Variants in NMU observed in about 807,000 individuals in gnomAD.
The protein encoded by NMU is neuromedin-U.
A neutral mutation model predicts 35.4 loss-of-function variants in NMU; 29 were observed. The ratio of observed to expected loss-of-function variants is 0.82; its 90% CI spans 0.61 to 1.12. NMU has a LOEUF of 1.12. Among genes scored for constraint, NMU ranks in the 50% most tolerant of loss-of-function variants. NMU has a pLI of 0.00. For missense variants in NMU, 199 were observed against 206.2 expected (o/e 0.97, Z 0.21); for synonymous variants, 78 against 81.3 (o/e 0.96, Z 0.22).
chr4:55,602,868 T>C (rs1229867597), intron 7 of NMU, among the ~76,000 whole-genome samples: 1 of 152,192 alleles, frequency 6.6e-6, no homozygotes, highest in African/African-American at 2.4e-5. Context: ...TAAAAATAAA[T>C]TTTGAGGAAT....
At chr4:55,612,563 A>G (rs574360710) in intron 3 of NMU, among the ~76,000 whole-genome samples, 1 of 152,202 alleles carries the variant, frequency 6.6e-6, no homozygotes, top group East Asian at 1.9e-4. Context: ...AAAACAATAG[A>G]AAGAAAATAC....
At chr4:55,636,325 A>G (rs1715931176), upstream of NMU, 5 of 1,295,118 alleles carry the variant, frequency 3.9e-6, no homozygotes, top group Non-Finnish European at 5.0e-6. The surrounding 1 kb of genome is among the most constrained non-coding windows in gnomAD (Gnocchi z 4.0). Context: ...GCCAACTTTT[A>G]AATCTCGCGC....
chr4:55,614,247 C>A (rs984582168), intron 3 of NMU, among the ~76,000 whole-genome samples: 1 of 152,112 alleles, frequency 6.6e-6, no homozygotes, highest in African/African-American at 2.4e-5. Flanking sequence ...TTCCACATAA[C>A]CATTATCATT....
At chr4:55,631,059 A>T (rs931100884) in intron 1 of NMU, among the ~76,000 whole-genome samples, 18 of 152,200 alleles carry the variant, frequency 1.2e-4, no homozygotes, top group Non-Finnish European at 5.9e-5. Context: ...CAACAAGTAT[A>T]CAAAAACATA....
At position 55,619,438 on chromosome 4, in the gene NMU, A is replaced by C. The variant is rs1046889307; in HGVS notation, c.172-3053T>G. The stretch of plus-strand genomic sequence containing the variant: ...TGGAAAATCGGGTCACTCCCACCCG[A>C]ATATTGCGCTTTTCAGACCGGCTTA... On this transcript the variant is annotated intron_variant, in intron 2 of 9. Coordinates refer to ENST00000264218, the MANE Select transcript of NMU (RefSeq NM_006681.4). Among the ~76,000 whole-genome samples, 13 of 120,594 alleles carry C rather than the reference A, an allele frequency of 1.1e-4. 1 individual carries two copies. The highest frequency in any genetic ancestry group is 4.1e-4 in the African/African-American group (13 of 31,874). The allele number at this position is 120,594 out of a possible 152,430, so 79.1% of individuals were successfully genotyped here.
At chr4:55,626,748 GC>G (rs569472435) in intron 2 of NMU, among the ~76,000 whole-genome samples, 49 of 152,054 alleles carry the variant, frequency 3.2e-4, no homozygotes, top group African/African-American at 1.2e-3. Context: ...ACCAACAAAG[GC>G]CCTTACCTTT....
intron 7 of NMU, among the ~76,000 whole-genome samples, chr4:55,604,679 ATTTT>A (rs767568542): frequency 3.2e-4 from 15 of 47,614 alleles, no homozygotes; most frequent in East Asian, 2.3e-3. Context: ...TGCCTGGCTA[ATTTT>A]TTTTTTTTTT....
chr4:55,601,647 T>G (rs1733430603), intron 7 of NMU, among the ~76,000 whole-genome samples: 2 of 151,942 alleles, frequency 1.3e-5, no homozygotes, highest in African/African-American at 4.8e-5. Flanking sequence ...TTTTCAAAAT[T>G]TAAAAAAATG....
intron 3 of NMU, among the ~76,000 whole-genome samples, chr4:55,613,778 G>A (rs575876940): frequency 6.6e-6 from 1 of 152,204 alleles, no homozygotes; most frequent in East Asian, 1.9e-4. Context: ...CACAGCTGGT[G>A]GAACCCAGCA....
At chr4:55,609,432 C>A (rs548585865) in intron 3 of NMU, among the ~76,000 whole-genome samples, 7 of 151,940 alleles carry the variant, frequency 4.6e-5, no homozygotes, top group Non-Finnish European at 8.8e-5. Context: ...TGAAGGCTTC[C>A]GCTGTGATCT....
intron 3 of NMU, among the ~76,000 whole-genome samples, chr4:55,613,030 A>G (rs1733997105): frequency 6.6e-6 from 1 of 152,202 alleles, no homozygotes; most frequent in Non-Finnish European, 1.5e-5. Flanking sequence ...GGAGGGTATT[A>G]CCCTAAGCGA....
chr4:55,600,769 AT>A (rs1560511793), intron 7 of NMU, among the ~76,000 whole-genome samples, 194 bp from the exon 8 acceptor site: 1 of 152,158 alleles, frequency 6.6e-6, no homozygotes, highest in Non-Finnish European at 1.5e-5. Context: ...TCAGAATCTT[AT>A]ATTTAAAAAT....
At chr4:55,618,897 T>G (rs1212711073) in intron 2 of NMU, among the ~76,000 whole-genome samples, 11 of 150,278 alleles carry the variant, frequency 7.3e-5, no homozygotes, top group South Asian at 6.3e-4. Context: ...TTTTTTTTTT[T>G]GTCTGGCTGT....
At chr4:55,631,908 C>T (rs1316294041) in intron 1 of NMU, among the ~76,000 whole-genome samples, 3 of 152,206 alleles carry the variant, frequency 2.0e-5, no homozygotes, top group Non-Finnish European at 4.4e-5. Flanking sequence ...GATATGGAAA[C>T]AACCTAAGTG....
upstream of NMU, chr4:55,636,418 C>A (rs1231820657): frequency 1.9e-5 from 11 of 568,588 alleles, no homozygotes; most frequent in Non-Finnish European, 3.0e-5. The surrounding 1 kb of genome is among the most constrained non-coding windows in gnomAD (Gnocchi z 4.0). Context: ...CACCCCGCCC[C>A]GCTGCCTGCC....
Position 55,625,247 on chromosome 4 carries a change from A to AT in NMU, c.171+5154dup, listed in dbSNP as rs200450121. On this transcript the variant is annotated intron_variant, in intron 2 of 9. Transcript: ENST00000264218. ...CAGCTGCATCTTAACTTCTTTAAAT[A>AT]TATTTTTTTCTGTAAAAGAATGTAT... 6.2e-3 allele frequency among the ~76,000 whole-genome samples: 927 copies of AT among 150,608 alleles called. 8 individuals are homozygous for AT. Among genetic ancestry groups the AT allele is most frequent in the African/African-American group, 0.021 (860 of 40,936 alleles).
chr4:55,633,644 TTG>T (rs1715733838), intron 1 of NMU, among the ~76,000 whole-genome samples: 2 of 152,242 alleles, frequency 1.3e-5, no homozygotes, highest in South Asian at 4.1e-4. Flanking sequence ...AAATAATAAC[TTG>T]TATATCCGTA....
intron 3 of NMU, among the ~76,000 whole-genome samples, chr4:55,611,180 A>G (rs1733916583): frequency 2.0e-5 from 3 of 151,996 alleles, no homozygotes; most frequent in Admixed American, 2.0e-4. Flanking sequence ...TGGACAACAT[A>G]GCAAGATCCT....
rs1298417174 is a variant in NMU, at chr4:55,595,639, A to AT, written c.*5-229dup. On this transcript the variant is annotated intron_variant, in intron 9 of 9. Coordinates refer to ENST00000264218, the MANE Select transcript of NMU (RefSeq NM_006681.4). ...TGTGTGTGTGTATATATATATATAT[A>AT]TATATTTTTTTTTTTTTTTGAGACA... is the stretch of plus-strand genomic sequence containing the variant. 2.1e-4 allele frequency among the ~76,000 whole-genome samples: 19 copies of AT among 89,566 alleles called. 1 individual carries two copies. The highest frequency in any genetic ancestry group is 5.4e-4 in the East Asian group (2 of 3,710). 58.8% of individuals were successfully genotyped at this position (89,566 alleles called of 152,430 possible).
Sources: gnomAD v4.1 joint callset for allele counts (sites outside exome capture counted in the v4.1 genomes callset) on GRCh38, gnomAD v4.1.1 for gene constraint, Gnocchi (gnomAD v3.1) non-coding constraint, MANE v1.5 for transcripts, NCBI Gene and HGNC (gene_info 2026-07-23, HGNC 2026-07-21) for gene names.